The following OSBPL3 variants were observed in gnomAD, a reference collection of about 807,000 sequenced individuals.
OSBPL3 encodes oxysterol-binding protein-related protein 3.
A neutral mutation model predicts 120.1 loss-of-function variants in OSBPL3; 65 were observed. The observed-to-expected ratio is 0.54, with a 90% confidence interval of 0.44 to 0.67. The LOEUF (loss-of-function observed/expected upper bound fraction) is 0.67, where lower values mean the gene tolerates loss of function less well. Ranked by LOEUF, OSBPL3 falls within the 30% of genes least tolerant of loss-of-function variation. OSBPL3 has a pLI of 0.00. For synonymous variants in OSBPL3, 416 were observed against 402.6 expected (o/e 1.03, Z -0.40); for missense variants, 1,004 against 1,082.1 (o/e 0.93, Z 1.01).
intron 1 of OSBPL3, among the ~76,000 whole-genome samples, chr7:24,969,291 G>A (rs746366404): frequency 2.6e-5 from 4 of 152,084 alleles, no homozygotes; most frequent in African/African-American, 4.8e-5. Flanking sequence ...ATGCCATTTC[G>A]TGAACTATGT....
chr7:24,819,006 G>C lies in OSBPL3; in HGVS notation c.1948+1169C>G, dbSNP rs1794796838. 6.6e-6 allele frequency among the ~76,000 whole-genome samples: 1 copy of C among 152,156 alleles called. No individual in the cohort carries two copies. On this transcript the variant is annotated intron_variant, in intron 17 of 22. Coordinates refer to ENST00000313367, the MANE Select transcript of OSBPL3 (RefSeq NM_015550.4). This position sits in a 1 kb window ranked among gnomAD's most constrained non-coding sequence, Gnocchi z 4.1. ...GCAGTGGCTCATGCCTGTAATCCCAGCATTTTGGGAGGCCGAGGCAGGCGG... is the reference window on the plus strand; with the variant it reads ...GCAGTGGCTCATGCCTGTAATCCCACCATTTTGGGAGGCCGAGGCAGGCGG...
At chr7:24,923,810 T>C (rs1398549279) in intron 1 of OSBPL3, among the ~76,000 whole-genome samples, 1 of 152,100 alleles carries the variant, frequency 6.6e-6, no homozygotes, top group Non-Finnish European at 1.5e-5. Context: ...GGCCCTCCTG[T>C]GTCACAGCAG....
intron 1 of OSBPL3, among the ~76,000 whole-genome samples, chr7:24,902,600 T>C (rs1029302836): frequency 6.6e-6 from 1 of 151,210 alleles, no homozygotes; most frequent in Non-Finnish European, 1.5e-5. Flanking sequence ...GTTTTAGTTT[T>C]ACTAGATATT....
In OSBPL3 at chr7:24,867,929, G is replaced by A. The variant is rs149938613; in HGVS notation, c.382-1692C>T. ...ATTTCCATGAAGAATACTGTAACTA[G>A]TAGTTTTTATTTAAAGATATTTCAA... On this transcript the variant is annotated intron_variant, in intron 5 of 22. Coordinates refer to ENST00000313367, the MANE Select transcript of OSBPL3 (RefSeq NM_015550.4). This position sits in a 1 kb window ranked among gnomAD's most constrained non-coding sequence, Gnocchi z 4.5. 3.5e-3 allele frequency among the ~76,000 whole-genome samples: 536 copies of A among 152,114 alleles called. 2 individuals are homozygous for A. The highest frequency in any genetic ancestry group is 0.012 in the African/African-American group (507 of 41,470).
At chr7:24,882,866 C>A (rs547629797) in intron 2 of OSBPL3, among the ~76,000 whole-genome samples, 4 of 152,168 alleles carry the variant, frequency 2.6e-5, no homozygotes, top group African/African-American at 9.6e-5. Flanking sequence ...ACTTGTATGT[C>A]TTCTTTTGAA....
rs201872335 is a variant in OSBPL3, at chr7:24,872,443, AAG to A, written c.97-376_97-375del. On this transcript the variant is annotated intron_variant, in intron 2 of 22. Coordinates refer to ENST00000313367, the MANE Select transcript of OSBPL3 (RefSeq NM_015550.4). The surrounding 1 kb of genome is among the most constrained non-coding windows in gnomAD (Gnocchi z 4.1). ...AGACTTCAGTCTGAATTTTAACCGA[AAG>A]AGAGTGTGTGTGTGTGTGTGTGTGT... 1.9e-3 allele frequency among the ~76,000 whole-genome samples: 133 copies of A among 71,252 alleles called. 1 individual carries two copies. The highest frequency in any genetic ancestry group is 4.0e-3 in the South Asian group (5 of 1,242). 46.7% of individuals were successfully genotyped at this position (71,252 alleles called of 152,430 possible). A position where few individuals can be genotyped will look rare whatever the true frequency, so the allele number is the denominator to read the frequency against.
rs941554945 is a variant in OSBPL3, at chr7:24,824,189, G to A, written c.1885-3951C>T. 6.6e-6 allele frequency among the ~76,000 whole-genome samples: 1 copy of A among 152,116 alleles called. No individual in the cohort carries two copies. Among genetic ancestry groups the A allele is most frequent in the Non-Finnish European group, 1.5e-5 (1 of 68,032 alleles). On this transcript the variant is annotated intron_variant, in intron 16 of 22. Coordinates refer to ENST00000313367, the MANE Select transcript of OSBPL3 (RefSeq NM_015550.4). This position sits in a 1 kb window ranked among gnomAD's most constrained non-coding sequence, Gnocchi z 4.9. ...TTTTTATTACGCAAGTATTTATATG[G>A]TAACACATGTATCTATCTTTCTTTC...
chr7:24,875,312 A>C, intron 2 of OSBPL3, among the ~76,000 whole-genome samples: 1 of 152,204 alleles, frequency 6.6e-6, no homozygotes, highest in East Asian at 1.9e-4. Flanking sequence ...ATATTGCTGA[A>C]GGCCATGCTA....
Position 24,894,795 on chromosome 7 carries a change from CA to C in OSBPL3, c.-149-2175del, listed in dbSNP as rs1475607903. 6.6e-6 allele frequency among the ~76,000 whole-genome samples: 1 copy of C among 152,128 alleles called. No homozygotes were observed. Among genetic ancestry groups the C allele is most frequent in the Non-Finnish European group, 1.5e-5 (1 of 68,018 alleles). On this transcript the variant is annotated intron_variant, in intron 1 of 22. Transcript: ENST00000313367. The surrounding 1 kb of genome is among the most constrained non-coding windows in gnomAD (Gnocchi z 4.1). Reference sequence around the variant, plus strand: ...AAAGTTACAGGAATTCTAAAACCACCAAAACAGAAACACCACAACCCTGTCC... The same window carrying C: ...AAAGTTACAGGAATTCTAAAACCACCAAACAGAAACACCACAACCCTGTCC...
chr7:24,901,142 C>T (rs1562904541), intron 1 of OSBPL3, among the ~76,000 whole-genome samples: 2 of 151,956 alleles, frequency 1.3e-5, no homozygotes, highest in Non-Finnish European at 2.9e-5. Context: ...GCCTGGCCAA[C>T]ATAGAGAAAC....
chr7:24,914,008 T>C (rs751555788), intron 1 of OSBPL3, among the ~76,000 whole-genome samples: 56 of 152,146 alleles, frequency 3.7e-4, no homozygotes, highest in Admixed American at 1.2e-3. Context: ...CTCTTGGGTG[T>C]TGGCCAGAGG....
intron 1 of OSBPL3, among the ~76,000 whole-genome samples, chr7:24,962,372 A>AAGGAG (rs879593215): frequency 0.011 from 1,436 of 130,972 alleles, 12 homozygotes; most frequent in Middle Eastern, 0.034. Context: ...AAGAAAAAGA[A>AAGGAG]AGGAGAGGAG....
Position 24,965,993 on chromosome 7 carries a change from G to T in OSBPL3, c.-150+13893C>A, listed in dbSNP as rs1328358793. ...CCAGCCAGAATGTTGTCTTGCCCTT[G>T]TTTCCTCCAAACCCCCTTCACATCC... On this transcript the variant is annotated intron_variant, in intron 1 of 22. Transcript: ENST00000313367. This position sits in a 1 kb window ranked among gnomAD's most constrained non-coding sequence, Gnocchi z 4.3. 6.6e-6 allele frequency among the ~76,000 whole-genome samples: 1 copy of T among 152,084 alleles called. No homozygotes were observed. The highest frequency in any genetic ancestry group is 2.4e-5 in the African/African-American group (1 of 41,398).
intron 1 of OSBPL3, among the ~76,000 whole-genome samples, chr7:24,921,247 G>C (rs2128448645): frequency 6.6e-6 from 1 of 152,066 alleles, no homozygotes; most frequent in East Asian, 1.9e-4. Context: ...ATACCACGAT[G>C]TAGGCTAAAA....
intron 1 of OSBPL3, among the ~76,000 whole-genome samples, chr7:24,920,619 T>C (rs1430906825): frequency 6.6e-5 from 10 of 152,170 alleles, no homozygotes; most frequent in African/African-American, 2.4e-5. Context: ...GTAAATTCTG[T>C]AGTATGTGAA....
intron 5 of OSBPL3, among the ~76,000 whole-genome samples, 198 bp from the exon 6 acceptor site, chr7:24,866,435 C>T (rs368534094): frequency 2.6e-5 from 4 of 152,036 alleles, no homozygotes; most frequent in Admixed American, 6.5e-5. Context: ...CCCAGGAGTT[C>T]GAGACCACCC....
In OSBPL3 at chr7:24,892,534, A is replaced by C. The variant is rs773069379; in HGVS notation, c.-62T>G. 1 of 1,575,862 alleles carries C rather than the reference A, an allele frequency of 6.3e-7. No homozygotes were observed. The highest frequency in any genetic ancestry group is 1.3e-5 in the African/African-American group (1 of 74,408). On this transcript the variant is annotated 5_prime_UTR_variant, in exon 2 of 23. Coordinates refer to ENST00000313367, the MANE Select transcript of OSBPL3 (RefSeq NM_015550.4). The stretch of plus-strand genomic sequence containing the variant: ...GCCATCAGATGACAAGGGAGCCGAG[A>C]GTATGGAAGTCCCCAGTGGCAGGTG...
intron 2 of OSBPL3, among the ~76,000 whole-genome samples, chr7:24,886,617 C>G (rs1804564537): frequency 6.6e-6 from 1 of 152,172 alleles, no homozygotes; most frequent in Non-Finnish European, 1.5e-5. Flanking sequence ...CTTCTACATG[C>G]AAAGCCCTGT....
At position 24,855,959 on chromosome 7, in the gene OSBPL3, G is replaced by C. The variant is rs1000082742; in HGVS notation, c.1028-3325C>G. Among the ~76,000 whole-genome samples the C allele has an allele frequency of 6.6e-6, 1 of 152,140 alleles. No individual in the cohort carries two copies. Among genetic ancestry groups the C allele is most frequent in the South Asian group, 2.1e-4 (1 of 4,822 alleles). ...AGCTTCCCCGCCAAATGGTCTGCTGGCCCACGCTTGTCAGAGCACTTGCTA... is the reference window on the plus strand; with the variant it reads ...AGCTTCCCCGCCAAATGGTCTGCTGCCCCACGCTTGTCAGAGCACTTGCTA... On this transcript the variant is annotated intron_variant, in intron 10 of 22. Coordinates refer to ENST00000313367, the MANE Select transcript of OSBPL3 (RefSeq NM_015550.4). The surrounding 1 kb of genome is among the most constrained non-coding windows in gnomAD (Gnocchi z 4.3).
Sources: allele counts gnomAD v4.1 joint callset (sites outside exome capture counted in the v4.1 genomes callset), GRCh38; gene constraint gnomAD v4.1.1; non-coding constraint Gnocchi (gnomAD v3.1); transcripts MANE v1.5; gene names NCBI Gene and HGNC (gene_info 2026-07-23, HGNC 2026-07-21).